MAST4: variants seen among roughly 807,000 people sequenced by gnomAD.
The protein encoded by MAST4 is microtubule-associated serine/threonine-protein kinase 4.
MAST4 carries 89 observed loss-of-function variants against 162.7 expected under a neutral mutation model. The observed-to-expected ratio is 0.55, with a 90% CI of 0.46 to 0.65. The LOEUF (loss-of-function observed/expected upper bound fraction) is 0.65. Among genes scored for constraint, MAST4 ranks in the 30% least tolerant of loss-of-function variants. MAST4 has a pLI of 0.00. For synonymous variants in MAST4, 1,479 were observed against 1,361.1 expected (o/e 1.09, Z -1.91); for missense variants, 3,153 against 3,374.0 (o/e 0.93, Z 1.62).
chr5:66,788,330 C>T (rs779479763), intron 2 of MAST4, among the ~76,000 whole-genome samples: 4 of 152,120 alleles, frequency 2.6e-5, no homozygotes, highest in South Asian at 2.1e-4. Flanking sequence ...CAAATGCACG[C>T]GCTTACTTCT....
At chr5:66,666,037 A>T (rs993216170) in intron 1 of MAST4, among the ~76,000 whole-genome samples, 2 of 152,168 alleles carry the variant, frequency 1.3e-5, no homozygotes, top group Non-Finnish European at 2.9e-5. Context: ...TTGAAATTCT[A>T]GTTTAATTGG....
intron 4 of MAST4, among the ~76,000 whole-genome samples, chr5:66,967,462 C>T (rs911636700): frequency 6.6e-6 from 1 of 152,082 alleles, no homozygotes; most frequent in African/African-American, 2.4e-5. Context: ...TAAGACCTTG[C>T]ACTGCCATAT....
rs373472971 is a variant in MAST4, at chr5:67,040,744, A to G, written c.675-13660A>G. Among the ~76,000 whole-genome samples, 287 of 152,354 alleles carry G rather than the reference A, an allele frequency of 1.9e-3. 2 individuals carry two copies. Among genetic ancestry groups the G allele is most frequent in the African/African-American group, 6.8e-3 (281 of 41,584 alleles). Reference sequence around the variant, plus strand: ...TACCAAGCTCATGTGATTTCTATGTATGACCAGAATGGTGAGATATTAATT... The same window carrying G: ...TACCAAGCTCATGTGATTTCTATGTGTGACCAGAATGGTGAGATATTAATT... On this transcript the variant is annotated intron_variant, in intron 4 of 28. Coordinates refer to ENST00000403625, the MANE Select transcript of MAST4 (RefSeq NM_001164664.2).
chr5:67,123,799 C>T (rs887347147), intron 14 of MAST4, among the ~76,000 whole-genome samples: 3 of 152,146 alleles, frequency 2.0e-5, no homozygotes, highest in Non-Finnish European at 2.9e-5. Context: ...CCCCACTTTG[C>T]CTTTCCTTCT....
At chr5:66,789,816 C>G in intron 3 of MAST4, 1 of 509,476 alleles carries the variant, frequency 2.0e-6, no homozygotes, top group South Asian at 1.4e-5. Flanking sequence ...AAAATTTTCC[C>G]CAAGAATCCA....
intron 2 of MAST4, among the ~76,000 whole-genome samples, chr5:66,760,907 A>G (rs1753818507): frequency 6.6e-6 from 1 of 152,240 alleles, no homozygotes; most frequent in African/African-American, 2.4e-5. Context: ...GCTATACATT[A>G]TATGATTGGA....
In MAST4 at chr5:67,164,162, G is replaced by A. The variant is rs1379254562; in HGVS notation, c.4983G>A (p.Gly1661=). The stretch of plus-strand genomic sequence containing the variant: ...TCGACAGGGGCATCTCTGGGAAGGG[G>A]GAAGGCACGGAGAAGTCCTCCCAGG... ...HSLDRGISGK[G]EGTEKSSQAK... Residue 1661 remains glycine (G), a synonymous_variant, in exon 29 of 29, where the codon GGG becomes GGA. Coordinates refer to ENST00000403625, the MANE Select transcript of MAST4 (RefSeq NM_001164664.2). This position sits in a 1 kb window ranked among gnomAD's most constrained non-coding sequence, Gnocchi z 5.3. 1 of 1,609,628 alleles carries A rather than the reference G, an allele frequency of 6.2e-7. No individual in the cohort carries two copies. Among genetic ancestry groups the A allele is most frequent in the Middle Eastern group, 1.7e-4 (1 of 6,058 alleles).
intron 5 of MAST4, among the ~76,000 whole-genome samples, chr5:67,064,196 A>C (rs150285008): frequency 1.3e-5 from 2 of 152,250 alleles, no homozygotes; most frequent in African/African-American, 4.8e-5. Flanking sequence ...CTACAATGCT[A>C]ACATTTTAAG....
At chr5:67,161,365 T>C (rs1371202766) in intron 27 of MAST4, among the ~76,000 whole-genome samples, 1 of 152,194 alleles carries the variant, frequency 6.6e-6, no homozygotes, top group East Asian at 1.9e-4. Flanking sequence ...GAATTATGTT[T>C]CATATGGCCC....
chr5:67,078,615 T>C (rs1030013143), intron 5 of MAST4, among the ~76,000 whole-genome samples: 1 of 143,856 alleles, frequency 7.0e-6, no homozygotes, highest in Non-Finnish European at 1.5e-5. Flanking sequence ...GCTGGAAATA[T>C]ATATTTATAT....
rs181165172 is a variant in MAST4, at chr5:67,056,048, A to G, written c.763+1556A>G. ...TGATATATATTATATATCCTATAAT[A>G]TGATTATATTCTATATATTCACTGT... On this transcript the variant is annotated intron_variant, in intron 5 of 28. Transcript: ENST00000403625. 4.0e-5 allele frequency among the ~76,000 whole-genome samples: 6 copies of G among 149,436 alleles called. No individual in the cohort carries two copies. In the South Asian group the frequency reaches 1.0e-3, roughly 26 times the overall value.
chr5:67,067,116 G>A (rs1270931027), intron 5 of MAST4, among the ~76,000 whole-genome samples: 1 of 152,152 alleles, frequency 6.6e-6, no homozygotes, highest in Non-Finnish European at 1.5e-5. Flanking sequence ...CAGACATTGA[G>A]GACTATACTT....
chr5:67,054,128 T>C (rs1434111040), intron 4 of MAST4, among the ~76,000 whole-genome samples: 3 of 152,232 alleles, frequency 2.0e-5, no homozygotes, highest in African/African-American at 4.8e-5. Context: ...TATGGCATGT[T>C]ACATATTTGC....
intron 1 of MAST4, among the ~76,000 whole-genome samples, chr5:66,746,680 T>C (rs1356153480): frequency 6.6e-6 from 1 of 152,184 alleles, no homozygotes; most frequent in Non-Finnish European, 1.5e-5. Context: ...TTTAGTTATG[T>C]TGCTGATGGG....
At chr5:66,752,395 A>C (rs1396659812) in intron 1 of MAST4, among the ~76,000 whole-genome samples, 2 of 149,380 alleles carry the variant, frequency 1.3e-5, no homozygotes, top group Non-Finnish European at 3.0e-5. Flanking sequence ...GTATTCAGGA[A>C]ACCCATCTCA....
intron 3 of MAST4, among the ~76,000 whole-genome samples, chr5:66,789,988 A>AT (rs57743987): frequency 0.014 from 745 of 52,452 alleles, 68 homozygotes; most frequent in East Asian, 0.051. Flanking sequence ...GCTTATTAGA[A>AT]TTTTTTTTTT....
intron 4 of MAST4, among the ~76,000 whole-genome samples, chr5:66,926,631 T>C (rs1214434250): frequency 6.6e-6 from 1 of 151,974 alleles, no homozygotes; most frequent in African/African-American, 2.4e-5. Context: ...TGTGTGTATA[T>C]ATGTATATAT....
chr5:66,715,370 T>C (rs1750751607), intron 1 of MAST4, among the ~76,000 whole-genome samples: 1 of 152,156 alleles, frequency 6.6e-6, no homozygotes, highest in Non-Finnish European at 1.5e-5. Context: ...TATCATGTAA[T>C]GTGTTGATGA....
chr5:66,657,088 CTTAAAAATG>C, intron 1 of MAST4, among the ~76,000 whole-genome samples: 1 of 152,306 alleles, frequency 6.6e-6, no homozygotes, highest in East Asian at 1.9e-4. Context: ...AGGTAGAAAA[CTTAAAAATG>C]TTCATTCCAG....
Sources: gnomAD v4.1 joint callset for allele counts (sites outside exome capture counted in the v4.1 genomes callset) on GRCh38, gnomAD v4.1.1 for gene constraint, Gnocchi (gnomAD v3.1) non-coding constraint, MANE v1.5 for transcripts, NCBI Gene and HGNC (gene_info 2026-07-23, HGNC 2026-07-21) for gene names.